The following DGKH variants were observed in gnomAD, a reference collection of about 807,000 sequenced individuals.
DGKH encodes the protein diacylglycerol kinase eta.
In DGKH, 90 loss-of-function variants were observed where a neutral mutation model predicts 159.3. The ratio of observed to expected loss-of-function variants is 0.57; its 90% CI spans 0.48 to 0.67. The LOEUF (loss-of-function observed/expected upper bound fraction) is 0.67. Among genes scored for constraint, DGKH ranks in the 30% least tolerant of loss-of-function variants. The pLI is 0.00. For missense variants in DGKH, 1,181 were observed against 1,506.1 expected (o/e 0.78, Z 3.57); for synonymous variants, 536 against 553.8 (o/e 0.97, Z 0.45).
At chr13:42,152,066 C>A (rs1255964063) in intron 3 of DGKH, among the ~76,000 whole-genome samples, 1 of 151,930 alleles carries the variant, frequency 6.6e-6, no homozygotes, top group African/African-American at 2.4e-5. Context: ...TGTTTCTTGG[C>A]CGTTTGTATG....
intron 13 of DGKH, among the ~76,000 whole-genome samples, chr13:42,182,776 A>G (rs1218592114): frequency 6.6e-6 from 1 of 152,198 alleles, no homozygotes; most frequent in African/African-American, 2.4e-5. Flanking sequence ...GTGCGCACAT[A>G]TAATCTTTTT....
intron 13 of DGKH, among the ~76,000 whole-genome samples, chr13:42,182,883 C>CA (rs1453342009): frequency 2.0e-5 from 3 of 150,252 alleles, no homozygotes; most frequent in Non-Finnish European, 4.4e-5. Context: ...TTCTGTGAAC[C>CA]TTGTCTGAAT....
At chr13:42,197,174 C>T (rs12863619) in intron 17 of DGKH, among the ~76,000 whole-genome samples, 17,834 of 149,416 alleles carry the variant, frequency 0.12, 1,546 homozygotes, top group East Asian at 0.4. Context: ...CCCTTGAAGC[C>T]GGGAGGCGGA....
intron 1 of DGKH, among the ~76,000 whole-genome samples, chr13:42,093,800 C>T (rs1276828188): frequency 2.0e-5 from 3 of 152,180 alleles, no homozygotes; most frequent in East Asian, 1.9e-4. Flanking sequence ...TGAGGTACCT[C>T]GAGTAGTCGA....
At chr13:42,183,275 T>C (rs978954634) in intron 13 of DGKH, among the ~76,000 whole-genome samples, 1 of 149,028 alleles carries the variant, frequency 6.7e-6, no homozygotes, top group African/African-American at 2.4e-5. Context: ...GATGACAGAG[T>C]GAGATCCCGT....
chr13:42,156,792 C>A (rs974063318), intron 5 of DGKH, among the ~76,000 whole-genome samples: 2 of 152,026 alleles, frequency 1.3e-5, no homozygotes, highest in African/African-American at 4.8e-5. Flanking sequence ...ACTATAAAAT[C>A]TGTGATATGT....
intron 3 of DGKH, among the ~76,000 whole-genome samples, chr13:42,148,859 C>T (rs1013079772): frequency 2.0e-5 from 3 of 151,962 alleles, no homozygotes; most frequent in African/African-American, 7.3e-5. Flanking sequence ...ATGCCTTCTC[C>T]TTCTCCCTCC....
At chr13:42,106,139 C>A (rs768868508) in intron 1 of DGKH, among the ~76,000 whole-genome samples, 4 of 152,056 alleles carry the variant, frequency 2.6e-5, no homozygotes, top group Non-Finnish European at 5.9e-5. Context: ...TCCTGAGTAG[C>A]TGGAATTACA....
At chr13:42,245,316 T>G (rs1200815348), downstream of DGKH, among the ~76,000 whole-genome samples, 1 of 152,192 alleles carries the variant, frequency 6.6e-6, no homozygotes, top group Non-Finnish European at 1.5e-5. Context: ...AGGATTTTTT[T>G]CATGACGCTA....
intron 1 of DGKH, among the ~76,000 whole-genome samples, chr13:42,059,161 C>T (rs1050600231): frequency 1.3e-5 from 2 of 151,932 alleles, no homozygotes; most frequent in Non-Finnish European, 2.9e-5. Context: ...TATTAAAATT[C>T]TGATAATTAC....
At chr13:42,118,222 A>T (rs1181078474) in intron 1 of DGKH, among the ~76,000 whole-genome samples, 1 of 152,186 alleles carries the variant, frequency 6.6e-6, no homozygotes, top group Non-Finnish European at 1.5e-5. Context: ...GTCTCAAAAA[A>T]AAAAGCATTT....
At position 42,132,582 on chromosome 13, in the gene DGKH, G is replaced by A. The variant is rs543873383; in HGVS notation, c.384+2950G>A. Reference sequence around the variant, plus strand: ...TGTAATGTCTTTCTTACAGAATTTAGCATATGCTGCCTTATACTTAGTTAA... The same window carrying A: ...TGTAATGTCTTTCTTACAGAATTTAACATATGCTGCCTTATACTTAGTTAA... On this transcript the variant is annotated intron_variant, in intron 3 of 29. Transcript: ENST00000337343. 2.6e-5 allele frequency among the ~76,000 whole-genome samples: 4 copies of A among 152,276 alleles called. No individual in the cohort carries two copies. The East Asian group carries it at 7.7e-4, about 29-fold the overall frequency.
At chr13:42,187,248 A>T (rs1674938069) in intron 14 of DGKH, 100 bp downstream of exon 14, 5 of 961,292 alleles carry the variant, frequency 5.2e-6, no homozygotes, top group Non-Finnish European at 8.1e-6. Context: ...TCCTGCCAAA[A>T]CATCTTAAAT....
chr13:42,092,630 T>TAA (rs1954442373), intron 1 of DGKH, among the ~76,000 whole-genome samples: 1 of 152,116 alleles, frequency 6.6e-6, no homozygotes, highest in Admixed American at 6.6e-5. Context: ...AGAGTCTGGT[T>TAA]AATGGTACAA....
chr13:42,250,481 C>G (rs1958613398), intron 29 of DGKH, among the ~76,000 whole-genome samples: 1 of 151,850 alleles, frequency 6.6e-6, no homozygotes, highest in Non-Finnish European at 1.5e-5. Context: ...ATCACCAGCC[C>G]CTATTTTACA....
intron 1 of DGKH, among the ~76,000 whole-genome samples, chr13:42,051,646 CTTTTTTTTTTTTTTTT>C (rs56413015): frequency 1.0e-4 from 5 of 50,182 alleles, no homozygotes; most frequent in Non-Finnish European, 1.7e-4. Flanking sequence ...TCAAAGCCAT[CTTTTTTTTTTTTTTTT>C]TTTTTTTTTT....
intron 1 of DGKH, among the ~76,000 whole-genome samples, chr13:42,068,759 T>A (rs186767391): frequency 5.3e-4 from 81 of 152,244 alleles, no homozygotes; most frequent in African/African-American, 1.9e-3. Flanking sequence ...TCAGTTAAAA[T>A]GAAAACTATC....
chr13:42,070,719 C>A (rs1164465518), intron 1 of DGKH: 1 of 1,608,922 alleles, frequency 6.2e-7, no homozygotes, highest in African/African-American at 1.3e-5. Context: ...CATGCTCTTC[C>A]AGTAAAGGGC....
At chr13:42,070,586 C>G (rs1445022507) in intron 1 of DGKH, 11 of 1,592,800 alleles carry the variant, frequency 6.9e-6, no homozygotes, top group Admixed American at 1.7e-5. Context: ...CCAAAGTCGC[C>G]TATCTTCAGC....
Sources: allele counts gnomAD v4.1 joint callset (sites outside exome capture counted in the v4.1 genomes callset), GRCh38; gene constraint gnomAD v4.1.1; transcripts MANE v1.5; gene names NCBI Gene and HGNC (gene_info 2026-07-23, HGNC 2026-07-21).